Variants in LRPPRC observed in about 807,000 individuals in gnomAD.
LRPPRC encodes the protein leucine-rich PPR motif-containing protein, mitochondrial.
In LRPPRC, 120 loss-of-function variants were observed where a neutral mutation model predicts 180.3. The ratio of observed to expected loss-of-function variants is 0.67; its 90% confidence interval spans 0.57 to 0.77. The LOEUF is 0.77. Ranked by LOEUF, LRPPRC falls within the 30% of genes least tolerant of loss-of-function variation. LRPPRC has a pLI of 0.00. For synonymous variants in LRPPRC, 723 were observed against 600.0 expected, an observed-to-expected ratio of 1.21 and a Z score of -3.00; for missense variants, 2,012 against 1,657.2, an observed-to-expected ratio of 1.21 and a Z score of -3.72.
rs1553395763 is a variant in LRPPRC at position 43,916,950 on chromosome 2, G to GGA, written c.3148+1074_3148+1075insTC. 1.0e-4 allele frequency among the ~76,000 whole-genome samples: 12 copies of GGA among 118,144 alleles called. 1 individual carries two copies. Among genetic ancestry groups the GGA allele is most frequent in the African/African-American group, 2.7e-4 (9 of 32,970 alleles). The allele number at this position is 118,144 out of a possible 152,430, so 77.5% of individuals were successfully genotyped here. On this transcript the variant is annotated intron_variant, in intron 29 of 37. Coordinates refer to ENST00000260665, the MANE Select transcript of LRPPRC (RefSeq NM_133259.4). ...ACAGAGTGAGACCTGTCTCCGGGGG[G>GGA]AAAAAAAAAAAAAAAAAAAGAATAG... is the stretch of plus-strand genomic sequence containing the variant.
chr2:43,963,354 G>A (rs1357988025), intron 12 of LRPPRC, among the ~76,000 whole-genome samples: 1 of 152,206 alleles, frequency 6.6e-6, no homozygotes, highest in African/African-American at 2.4e-5. Context: ...TGAGGCAGAA[G>A]AATTGCTTGA....
At position 43,925,895 on chromosome 2, in the gene LRPPRC, G is replaced by T; in HGVS notation, c.2803C>A (p.Gln935Lys). ...AGACATCTGAATCAAATACAAACCTGATTATTTGCAACACATCTGTCACAA... is the reference window on the plus strand; with the variant it reads ...AGACATCTGAATCAAATACAAACCTTATTATTTGCAACACATCTGTCACAA... ...WFCDRCVANN[Q>K]VETLEKLVEL... is the part of the protein sequence containing the mutation. Residue 935 changes from glutamine (Q) to lysine (K), a missense_variant and splice_region_variant, in exon 26 of 38, where the codon CAG becomes AAG. Coordinates refer to ENST00000260665, the MANE Select transcript of LRPPRC (RefSeq NM_133259.4). 6.2e-7 allele frequency: 1 copy of T among 1,607,810 alleles called. No individual in the cohort carries two copies. Among genetic ancestry groups the T allele is most frequent in the Non-Finnish European group, 8.5e-7 (1 of 1,174,282 alleles).
At chr2:43,994,194 G>A (rs865818620) in intron 1 of LRPPRC, among the ~76,000 whole-genome samples, 22 of 152,348 alleles carry the variant, frequency 1.4e-4, no homozygotes, top group African/African-American at 5.1e-4. Flanking sequence ...ATAGTTCTGT[G>A]CTCAGAGGCA....
In LRPPRC at chr2:43,979,614, G is replaced by A. The variant is rs183811133; in HGVS notation, c.469+212C>T. Among the ~76,000 whole-genome samples the A allele has an allele frequency of 5.1e-4, 77 of 151,916 alleles. No individual in the cohort carries two copies. The East Asian group carries it at 0.013, about 26-fold the overall frequency. On this transcript the variant is annotated intron_variant, in intron 3 of 37. Coordinates refer to ENST00000260665, the MANE Select transcript of LRPPRC (RefSeq NM_133259.4). Reference sequence around the variant, plus strand: ...TCTTCTTTTTCTTTTTTAACTTACCGTACTTGTAAGTAATACTTGTTATGA... The same window carrying A: ...TCTTCTTTTTCTTTTTTAACTTACCATACTTGTAAGTAATACTTGTTATGA...
rs1670314295 is a variant in LRPPRC at position 43,887,610 on chromosome 2, AT to A, written c.*989del. On this transcript the variant is annotated 3_prime_UTR_variant, in exon 38 of 38. Transcript: ENST00000260665. ...AACATTTTCAACATTTCGGTAATTA[AT>A]TACCTCATCTCCAGTTAGGTCAATA... The A allele has an allele frequency of 6.6e-6, 1 of 152,228 alleles. No individual in the cohort carries two copies. Among genetic ancestry groups the A allele is most frequent in the South Asian group, 2.1e-4 (1 of 4,830 alleles). 9.4% of individuals were successfully genotyped at this position (152,228 alleles called of 1,614,324 possible). A position where few individuals can be genotyped will look rare whatever the true frequency, so the allele number is the denominator to read the frequency against.
At chr2:43,989,121 C>T (rs1259799236) in intron 1 of LRPPRC, among the ~76,000 whole-genome samples, 1 of 152,162 alleles carries the variant, frequency 6.6e-6, no homozygotes, top group Non-Finnish European at 1.5e-5. Flanking sequence ...GATCTTCCTG[C>T]CTCAGACTCT....
intron 6 of LRPPRC, 146 bp from the exon 7 acceptor site, chr2:43,975,363 T>C: frequency 1.6e-6 from 1 of 622,814 alleles, no homozygotes; most frequent in South Asian, 1.9e-5. Flanking sequence ...TATATTAAAC[T>C]GGATATATGT....
intron 29 of LRPPRC, among the ~76,000 whole-genome samples, chr2:43,917,134 C>T (rs367662853): frequency 6.0e-5 from 9 of 150,846 alleles, no homozygotes; most frequent in East Asian, 3.9e-4. Context: ...TCCATCTCCC[C>T]GGTTCCGGTG....
At chr2:43,892,672 C>A (rs1670533655) in intron 36 of LRPPRC, 1 of 152,122 alleles carries the variant, frequency 6.6e-6, no homozygotes, top group Non-Finnish European at 1.5e-5. Flanking sequence ...TCTTGACTTT[C>A]AAGTCTTAAC....
intron 11 of LRPPRC, among the ~76,000 whole-genome samples, chr2:43,970,927 C>T (rs1057176905): frequency 5.9e-5 from 9 of 152,106 alleles, no homozygotes; most frequent in African/African-American, 2.2e-4. Flanking sequence ...GGTGAAACCC[C>T]GTCTCTACTA....
intron 19 of LRPPRC, 37 bp from the exon 20 acceptor site, chr2:43,947,407 A>G (rs1672727599): frequency 9.6e-7 from 1 of 1,036,646 alleles, no homozygotes; most frequent in Non-Finnish European, 1.5e-6. Flanking sequence ...AATTTCCTGA[A>G]AAAGGAAATA....
rs1220383617 is a variant in LRPPRC, at chr2:43,960,607, T to A, written c.1516A>T (p.Met506Leu). The A allele has an allele frequency of 1.3e-6, 2 of 1,598,920 alleles. No homozygotes were observed. The highest frequency in any genetic ancestry group is 4.5e-5 in the East Asian group (2 of 44,766). Residue 506 changes from methionine to leucine, a missense_variant, in exon 13 of 38, where the codon ATG becomes TTG. Coordinates refer to ENST00000260665, the MANE Select transcript of LRPPRC (RefSeq NM_133259.4). ...CTTCTCAATCCAGCTTGAGAAAACA[T>A]ATCACTATCAGACAGACATCCATTT... Reference protein sequence around the residue: ...QENGCLSDSDMFSQAGLRSEA... With the variant: ...QENGCLSDSDLFSQAGLRSEA...
At chr2:43,937,626 T>C (rs75031985) in intron 23 of LRPPRC, among the ~76,000 whole-genome samples, 2,198 of 152,324 alleles carry the variant, frequency 0.014, 49 homozygotes, top group African/African-American at 0.049. Context: ...TACTCAGCTG[T>C]AGCAACGTGA....
chr2:43,895,220 T>G (rs1199142484), intron 35 of LRPPRC, among the ~76,000 whole-genome samples: 1 of 152,204 alleles, frequency 6.6e-6, no homozygotes, highest in Non-Finnish European at 1.5e-5. Context: ...CCATGATGGA[T>G]ATATAAACAT....
intron 8 of LRPPRC, 149 bp from the exon 9 acceptor site, chr2:43,974,444 A>G (rs1423544324): frequency 1.2e-6 from 1 of 816,654 alleles, no homozygotes; most frequent in Non-Finnish European, 2.1e-6. Flanking sequence ...TGCAAATCAA[A>G]TCATCCCCAT....
chr2:43,895,983 C>T (rs1174261156), intron 35 of LRPPRC, among the ~76,000 whole-genome samples: 2 of 152,080 alleles, frequency 1.3e-5, no homozygotes, highest in Non-Finnish European at 2.9e-5. Flanking sequence ...ACCCCTTTTA[C>T]AGTGTAAATA....
At chr2:43,934,433 A>T in intron 24 of LRPPRC, 137 bp from the exon 25 acceptor site, 1 of 626,358 alleles carries the variant, frequency 1.6e-6, no homozygotes, top group African/African-American at 1.8e-5. Context: ...GAATATAGCT[A>T]TATCGACTAA....
intron 37 of LRPPRC, among the ~76,000 whole-genome samples, chr2:43,889,355 A>C (rs1484147208): frequency 6.7e-6 from 1 of 148,772 alleles, no homozygotes; most frequent in African/African-American, 2.5e-5. Flanking sequence ...AATTTCCTAG[A>C]CGAAGAAATA....
intron 1 of LRPPRC, among the ~76,000 whole-genome samples, chr2:43,982,674 G>T (rs1352221601): frequency 6.6e-6 from 1 of 152,120 alleles, no homozygotes; most frequent in Non-Finnish European, 1.5e-5. Flanking sequence ...CAACATCTTG[G>T]TAACTTTGAA....
Sources: gnomAD v4.1 joint callset for allele counts (sites outside exome capture counted in the v4.1 genomes callset) on GRCh38, gnomAD v4.1.1 for gene constraint, MANE v1.5 for transcripts, NCBI Gene and HGNC (gene_info 2026-07-23, HGNC 2026-07-21) for gene names.